The following MGST2 variants were observed in gnomAD, a reference collection of about 807,000 sequenced individuals.
The protein encoded by MGST2 is glutathione peroxidase MGST2.
Under a neutral mutation model 16.6 loss-of-function variants are expected in MGST2, and 9 were observed. That is an observed-to-expected ratio of 0.54 (90% CI 0.33 to 0.95). The LOEUF (loss-of-function observed/expected upper bound fraction) is 0.95, where lower values mean the gene tolerates loss of function less well. MGST2 is among the 40% of genes least tolerant of loss of function. The pLI is 0.03. For missense variants in MGST2, 159 were observed against 175.1 expected (o/e 0.91, Z 0.52); for synonymous variants, 79 against 68.0 (o/e 1.16, Z -0.79).
At chr4:139,712,116 A>G (rs1727764931) in intron 5 of MGST2, among the ~76,000 whole-genome samples, 1 of 149,690 alleles carries the variant, frequency 6.7e-6, no homozygotes. Context: ...GTAAAGCAAA[A>G]TAAGTAAAGT....
At chr4:139,677,783 G>A (rs367863348) in intron 1 of MGST2, among the ~76,000 whole-genome samples, 330 of 152,246 alleles carry the variant, frequency 2.2e-3, no homozygotes, top group African/African-American at 7.6e-3. Flanking sequence ...GATTACAGGC[G>A]TGAGCCACCG....
the MGST2 span, among the ~76,000 whole-genome samples, chr4:139,748,972 T>C: frequency 1.3e-5 from 2 of 152,122 alleles, no homozygotes; most frequent in South Asian, 2.1e-4. Flanking sequence ...GTGGGCACGA[T>C]TGTGGCTGCA....
downstream of MGST2, among the ~76,000 whole-genome samples, chr4:139,704,562 G>A (rs755843980): frequency 3.3e-5 from 5 of 152,150 alleles, no homozygotes; most frequent in Admixed American, 1.3e-4. Flanking sequence ...AAGGCATGTG[G>A]GGGACATCAG....
intron 5 of MGST2, among the ~76,000 whole-genome samples, chr4:139,737,093 C>T (rs926639493): frequency 2.0e-5 from 3 of 152,198 alleles, no homozygotes; most frequent in East Asian, 1.9e-4. Context: ...TGAGGAAGGG[C>T]GAGTCCCCTA....
intron 3 of MGST2, among the ~76,000 whole-genome samples, chr4:139,696,793 C>A (rs1441880078): frequency 1.3e-5 from 2 of 152,172 alleles, no homozygotes; most frequent in Non-Finnish European, 2.9e-5. Context: ...ATGGTGTAAT[C>A]CTTCTAGGCA....
intron 1 of MGST2, among the ~76,000 whole-genome samples, chr4:139,670,267 G>T (rs774824541): frequency 4.3e-5 from 1 of 23,460 alleles, no homozygotes; most frequent in African/African-American, 6.3e-4. Flanking sequence ...GCGGGGGGGG[G>T]GCGGTTAACA....
chr4:139,680,671 G>T (rs191982773), intron 2 of MGST2, among the ~76,000 whole-genome samples: 3 of 152,136 alleles, frequency 2.0e-5, no homozygotes, highest in Non-Finnish European at 2.9e-5. Flanking sequence ...AAGGGTGAAT[G>T]TTTGGTAAAG....
the MGST2 span, among the ~76,000 whole-genome samples, chr4:139,749,963 A>G: frequency 6.6e-6 from 1 of 151,310 alleles, no homozygotes; most frequent in Non-Finnish European, 1.5e-5. Context: ...AGAGATGGCA[A>G]GGAACAGCTA....
rs1384715458 is a variant in MGST2, at chr4:139,698,560, A to G, written c.229+3293A>G. The G allele has an allele frequency of 2.4e-5, 20 of 829,376 alleles. No individual in the cohort carries two copies. The East Asian group carries it at 3.1e-4, about 13-fold the overall frequency. The allele number at this position is 829,376 out of a possible 1,614,324, so 51.4% of individuals were successfully genotyped here. A position where few individuals can be genotyped will look rare whatever the true frequency, so the allele number is the denominator to read the frequency against. ...GTCTGCTTTGTACGAGCCATGGTAC[A>G]GAGACCTCCTTACTTACCCCCCTTC... On this transcript the variant is annotated intron_variant, in intron 3 of 4. Coordinates refer to ENST00000265498, the MANE Select transcript of MGST2 (RefSeq NM_002413.5).
In MGST2 at chr4:139,704,138, G is replaced by A. The variant is rs374994785; in HGVS notation, c.434G>A (p.Arg145Gln). The A allele has an allele frequency of 1.5e-5, 24 of 1,614,006 alleles. No individual in the cohort carries two copies. The highest frequency in any genetic ancestry group is 4.4e-5 in the South Asian group (4 of 91,084). The stretch of plus-strand genomic sequence containing the variant: ...CTCAATATTGCCAAGAAACTGAGGC[G>A]GCAATTCTAACTTTTTCTCTTCCCT... ...LDLNIAKKLRRQF is the reference protein window; with the variant it reads ...LDLNIAKKLRQQF Residue 145 changes from arginine to glutamine, a missense_variant, in exon 5 of 5, where the codon CGG (arginine) becomes CAG (glutamine). By Grantham distance (43) the Arg-to-Gln change is conservative. Transcript: ENST00000265498.
At chr4:139,720,081 G>A in intron 5 of MGST2, 1 of 1,614,056 alleles carries the variant, frequency 6.2e-7, no homozygotes, top group Non-Finnish European at 8.5e-7. Context: ...ATGCCACTTT[G>A]GTTTGGATGC....
intron 3 of MGST2, among the ~76,000 whole-genome samples, chr4:139,700,703 G>C (rs187224959): frequency 1.5e-4 from 23 of 152,294 alleles, no homozygotes; most frequent in African/African-American, 5.5e-4. Flanking sequence ...GCTGCCGTTT[G>C]TATGTAGCGA....
chr4:139,722,178 C>A (rs925390648), intron 5 of MGST2, among the ~76,000 whole-genome samples: 1 of 152,150 alleles, frequency 6.6e-6, no homozygotes, highest in Non-Finnish European at 1.5e-5. Flanking sequence ...AGAAGCGTTA[C>A]AATGCTTTTT....
intron 2 of MGST2, among the ~76,000 whole-genome samples, chr4:139,694,454 C>A (rs1351128967): frequency 6.6e-6 from 1 of 152,046 alleles, no homozygotes; most frequent in Admixed American, 6.6e-5. Context: ...CTCGGCCAAC[C>A]TAACCAAGAT....
chr4:139,737,329 G>T (rs1728984883), intron 5 of MGST2, among the ~76,000 whole-genome samples: 1 of 151,020 alleles, frequency 6.6e-6, no homozygotes, highest in Non-Finnish European at 1.5e-5. Flanking sequence ...TTTTTTTTAA[G>T]CCCAAATTTC....
intron 1 of MGST2, among the ~76,000 whole-genome samples, chr4:139,671,236 G>T (rs958720969): frequency 6.6e-6 from 1 of 152,080 alleles, no homozygotes; most frequent in African/African-American, 2.4e-5. Flanking sequence ...GTCTCTCTGG[G>T]GTTCCCTCGG....
At position 139,666,689 on chromosome 4, in the gene MGST2, C is replaced by CA. The variant is rs8192009; in HGVS notation, c.58+613dup. On this transcript the variant is annotated intron_variant, in intron 1 of 4. Transcript: ENST00000265498. The stretch of plus-strand genomic sequence containing the variant: ...TAGAGGGCTTTTACTCCATGGGAGT[C>CA]ACATTTGCTCAATTCATATTATCTT... Among the ~76,000 whole-genome samples, 499 of 152,292 alleles carry CA rather than the reference C, an allele frequency of 3.3e-3. 2 individuals are homozygous for CA. Among genetic ancestry groups the CA allele is most frequent in the African/African-American group, 0.011 (470 of 41,554 alleles).
chr4:139,749,646 A>G, the MGST2 span, among the ~76,000 whole-genome samples: 3 of 152,224 alleles, frequency 2.0e-5, no homozygotes, highest in Non-Finnish European at 4.4e-5. Flanking sequence ...TGTGTTGCAC[A>G]ATTTGCATGA....
At chr4:139,716,216 A>G (rs1727951027) in intron 5 of MGST2, among the ~76,000 whole-genome samples, 1 of 152,156 alleles carries the variant, frequency 6.6e-6, no homozygotes, top group African/African-American at 2.4e-5. Context: ...CCAGAGGGGT[A>G]TAAACTTCTA....
Sources: gnomAD v4.1 joint callset for allele counts (sites outside exome capture counted in the v4.1 genomes callset) on GRCh38, gnomAD v4.1.1 for gene constraint, MANE v1.5 for transcripts, NCBI Gene and HGNC (gene_info 2026-07-23, HGNC 2026-07-21) for gene names.